CDH20: variants seen among roughly 807,000 people sequenced by gnomAD.
CDH20 encodes cadherin 20, also known as cadherin-20.
A neutral mutation model predicts 74.2 loss-of-function variants in CDH20; 29 were observed. The observed-to-expected ratio is 0.39, with a 90% CI of 0.29 to 0.53. The LOEUF (loss-of-function observed/expected upper bound fraction) is 0.53, where lower values mean the gene tolerates loss of function less well. CDH20 is among the 20% of genes least tolerant of loss of function. CDH20 has a pLI of 0.69. For synonymous variants in CDH20, 469 were observed against 405.4 expected (o/e 1.16, Z -1.88); for missense variants, 988 against 1,048.3 (o/e 0.94, Z 0.79).
intron 1 of CDH20, among the ~76,000 whole-genome samples, chr18:61,474,919 C>T (rs1489311952): frequency 6.6e-6 from 1 of 152,148 alleles, no homozygotes; most frequent in Non-Finnish European, 1.5e-5. Context: ...TATTAAAATA[C>T]AGCATTTATA....
chr18:61,414,290 G>A (rs766781562), intron 1 of CDH20, among the ~76,000 whole-genome samples: 19 of 152,084 alleles, frequency 1.2e-4, no homozygotes, highest in Non-Finnish European at 2.2e-4. Context: ...TCAGAGTCTT[G>A]TTACATGCAG....
At chr18:61,504,209 G>A (rs533435644) in intron 5 of CDH20, among the ~76,000 whole-genome samples, 17 of 152,326 alleles carry the variant, frequency 1.1e-4, no homozygotes, top group African/African-American at 4.1e-4. Flanking sequence ...TAGAGGAGGG[G>A]TTGGCAAGGG....
chr18:61,406,062 C>G (rs1197565260), intron 1 of CDH20, among the ~76,000 whole-genome samples: 2 of 152,048 alleles, frequency 1.3e-5, no homozygotes, highest in African/African-American at 2.4e-5. Context: ...GTCAATGCTA[C>G]AATTCAAATG....
At chr18:61,500,268 G>A in intron 3 of CDH20, 115 bp from the exon 4 acceptor site, 4 of 1,028,062 alleles carry the variant, frequency 3.9e-6, no homozygotes, top group East Asian at 2.4e-5. Flanking sequence ...CCTAGAAAGG[G>A]GACTCTCCCA....
chr18:61,373,336 TA>T (rs1323959654), intron 1 of CDH20, among the ~76,000 whole-genome samples: 1 of 152,036 alleles, frequency 6.6e-6, no homozygotes, highest in Non-Finnish European at 1.5e-5. Context: ...TTATTGTGCA[TA>T]AAACCCACAG....
Position 61,499,052 on chromosome 18 carries a change from C to T in CDH20, c.247-134C>T, listed in dbSNP as rs112874575. On this transcript the variant is annotated intron_variant, in intron 2 of 11. Coordinates refer to ENST00000262717, the MANE Select transcript of CDH20 (RefSeq NM_031891.4). The stretch of plus-strand genomic sequence containing the variant: ...TGTCCAATGCATACTAGTTCTTTGT[C>T]GACAAACTTATTAAACATTTGAAAA... 1,047 of 683,062 alleles carry T rather than the reference C, an allele frequency of 1.5e-3. 2 individuals are homozygous for T. The highest frequency in any genetic ancestry group is 1.3e-3 in the Non-Finnish European group (530 of 423,118). 42.3% of individuals were successfully genotyped at this position (683,062 alleles called of 1,614,324 possible).
At chr18:61,548,278 T>A (rs1399667553) in intron 10 of CDH20, among the ~76,000 whole-genome samples, 1 of 152,178 alleles carries the variant, frequency 6.6e-6, no homozygotes, top group African/African-American at 2.4e-5. Flanking sequence ...CTAAACTAAA[T>A]AAGCAGTTAT....
chr18:61,460,882 A>T (rs980464424), intron 1 of CDH20, among the ~76,000 whole-genome samples: 1 of 152,176 alleles, frequency 6.6e-6, no homozygotes. Flanking sequence ...AAAAGTATTT[A>T]TTTTGAAGTA....
chr18:61,463,183 C>G (rs919886234), intron 1 of CDH20, among the ~76,000 whole-genome samples: 1 of 152,130 alleles, frequency 6.6e-6, no homozygotes, highest in African/African-American at 2.4e-5. Flanking sequence ...GGATCCTTCT[C>G]GCTTCCTTGT....
At chr18:61,465,924 G>A (rs76077221) in intron 1 of CDH20, among the ~76,000 whole-genome samples, 3,558 of 152,098 alleles carry the variant, frequency 0.023, 156 homozygotes, top group East Asian at 0.11. Context: ...GCCAGGCATG[G>A]TGATATAGGC....
At chr18:61,455,158 A>G (rs1012405887) in intron 1 of CDH20, among the ~76,000 whole-genome samples, 3 of 152,184 alleles carry the variant, frequency 2.0e-5, no homozygotes, top group African/African-American at 7.2e-5. Flanking sequence ...CCTACCCAGT[A>G]CTCTTCAAAA....
chr18:61,471,052 A>G (rs1252988918), intron 1 of CDH20, among the ~76,000 whole-genome samples: 1 of 152,206 alleles, frequency 6.6e-6, no homozygotes, highest in Non-Finnish European at 1.5e-5. Context: ...AAAGAAATAT[A>G]TTATATTATG....
intron 1 of CDH20, among the ~76,000 whole-genome samples, chr18:61,379,356 T>C (rs1353172810): frequency 6.6e-6 from 1 of 152,206 alleles, no homozygotes; most frequent in African/African-American, 2.4e-5. Context: ...AAACTTGTAA[T>C]GTTGAAATAT....
intron 2 of CDH20, among the ~76,000 whole-genome samples, chr18:61,495,326 A>C (rs535989469): frequency 6.6e-6 from 1 of 152,238 alleles, no homozygotes; most frequent in Non-Finnish European, 1.5e-5. Flanking sequence ...ACGGCTGGTA[A>C]AGCGGAATAT....
chr18:61,336,959 T>C (rs1159382110), intron 1 of CDH20, among the ~76,000 whole-genome samples: 1 of 152,130 alleles, frequency 6.6e-6, no homozygotes, highest in African/African-American at 2.4e-5. Flanking sequence ...TTCTTCTTAG[T>C]TTAGAAACAG....
chr18:61,396,070 T>A (rs111956660), intron 1 of CDH20, among the ~76,000 whole-genome samples: 2 of 152,124 alleles, frequency 1.3e-5, no homozygotes, highest in African/African-American at 4.8e-5. Context: ...TGTGTGTGTG[T>A]GTTCATGCAC....
chr18:61,440,346 G>GT (rs1199474133), intron 1 of CDH20, among the ~76,000 whole-genome samples: 8 of 152,158 alleles, frequency 5.3e-5, no homozygotes, highest in Non-Finnish European at 1.0e-4. Flanking sequence ...ACAGCCTGAA[G>GT]TAGAGGTATC....
intron 10 of CDH20, among the ~76,000 whole-genome samples, chr18:61,549,150 G>A (rs1913347312): frequency 6.6e-6 from 1 of 152,064 alleles, no homozygotes; most frequent in African/African-American, 2.4e-5. Context: ...ACCTACACCA[G>A]GAAACTTGAG....
At chr18:61,384,797 A>C (rs962848310) in intron 1 of CDH20, among the ~76,000 whole-genome samples, 1 of 152,332 alleles carries the variant, frequency 6.6e-6, no homozygotes, top group South Asian at 2.1e-4. Flanking sequence ...AAAAATAAAA[A>C]TCCACTGAAG....
Sources: allele counts gnomAD v4.1 joint callset (sites outside exome capture counted in the v4.1 genomes callset), GRCh38; gene constraint gnomAD v4.1.1; transcripts MANE v1.5; gene names NCBI Gene and HGNC (gene_info 2026-07-23, HGNC 2026-07-21).